The following NCOR1 variants were observed in gnomAD, a reference collection of about 807,000 sequenced individuals.
NCOR1 encodes the protein nuclear receptor corepressor 1, also known as protein phosphatase 1, regulatory subunit 109.
In NCOR1, 63 loss-of-function variants were observed where a neutral mutation model predicts 288.1. The observed-to-expected ratio is 0.22, with a 90% CI of 0.18 to 0.27. NCOR1 has a LOEUF of 0.27. Among genes scored for constraint, NCOR1 ranks in the 10% least tolerant of loss-of-function variants. The pLI is 1.00. For synonymous variants in NCOR1, 1,007 were observed against 1,065.9 expected (o/e 0.94, Z 1.08); for missense variants, 2,397 against 3,019.2 (o/e 0.79, Z 4.83).
At position 16,101,315 on chromosome 17, in the gene NCOR1, TGACTGGGGCTCGG is replaced by T; in HGVS notation, c.2612_2624del (p.Pro871GlnfsTer34). ...TGCACGTGGCACTGGAATCATTGTCTGACTGGGGCTCGGGCCTTTGGGCATTTATTTGCTGAGC... is the reference window on the plus strand; with the variant it reads ...TGCACGTGGCACTGGAATCATTGTCTGCCTTTGGGCATTTATTTGCTGAGC... On this transcript the variant is annotated frameshift_variant, in exon 20 of 46. Coordinates refer to ENST00000268712, the MANE Select transcript of NCOR1 (RefSeq NM_006311.4). LOFTEE classifies it high-confidence loss of function. The T allele has an allele frequency of 6.2e-7, 1 of 1,613,918 alleles. No homozygotes were observed. Among genetic ancestry groups the T allele is most frequent in the Non-Finnish European group, 8.5e-7 (1 of 1,179,880 alleles).
chr17:16,157,976 A>AT (rs556854474), intron 6 of NCOR1, among the ~76,000 whole-genome samples: 1,598 of 144,724 alleles, frequency 0.011, 27 homozygotes, highest in East Asian at 0.053. Context: ...TTGAACTTTG[A>AT]TTTTTTTTTT....
At chr17:16,067,356 T>C (rs902039456) in intron 32 of NCOR1, among the ~76,000 whole-genome samples, 1 of 152,224 alleles carries the variant, frequency 6.6e-6, no homozygotes, top group African/African-American at 2.4e-5. Context: ...GATACAGAAG[T>C]TGAATCAGGT....
At chr17:16,114,150 A>AAAAAAAC (rs1158221131) in intron 18 of NCOR1, among the ~76,000 whole-genome samples, 1 of 124,972 alleles carries the variant, frequency 8.0e-6, no homozygotes, top group African/African-American at 3.7e-5. Flanking sequence ...AGGCAAAAAA[A>AAAAAAAC]AAAAAAAAAA....
chr17:16,170,814 C>T (rs2083005284), intron 4 of NCOR1, among the ~76,000 whole-genome samples: 1 of 148,994 alleles, frequency 6.7e-6, no homozygotes, highest in South Asian at 2.1e-4. Flanking sequence ...GCACTCCAGC[C>T]TGGGGTACAG....
chr17:16,168,350 G>T (rs1412197462), intron 4 of NCOR1, among the ~76,000 whole-genome samples: 3 of 152,002 alleles, frequency 2.0e-5, no homozygotes, highest in Non-Finnish European at 4.4e-5. Context: ...ACAGGCGCCT[G>T]CCACCACGTC....
intron 43 of NCOR1, chr17:16,040,083 C>T: frequency 2.1e-6 from 1 of 466,602 alleles, no homozygotes; most frequent in Non-Finnish European, 4.2e-6. Flanking sequence ...AGCCACCGCA[C>T]CCAGCCCAGA....
At position 16,121,119 on chromosome 17, in the gene NCOR1, A is replaced by C; in HGVS notation, c.1785T>G (p.Ala595=). ...TAGCCGCTGCGGCTGCAGCACTGGC[A>C]GCTGCAGCTTCGTTTGTCATGGACC... The part of the protein sequence containing the change: ...ITRSMTNEAA[A]ASAAAAAATE... The change falls in exon 16 of 46, where the codon GCT becomes GCG. Residue 595 remains alanine (A), a synonymous_variant. Transcript: ENST00000268712. The C allele has an allele frequency of 1.2e-6, 2 of 1,614,160 alleles. No homozygotes were observed. Among genetic ancestry groups the C allele is most frequent in the Non-Finnish European group, 1.7e-6 (2 of 1,180,028 alleles).
At chr17:16,143,776 T>G (rs989293870) in intron 10 of NCOR1, 80 bp from the exon 11 acceptor site, 1 of 1,051,620 alleles carries the variant, frequency 9.5e-7, no homozygotes. Flanking sequence ...ATAGATTACT[T>G]TTCTGAATGG....
intron 2 of NCOR1, among the ~76,000 whole-genome samples, chr17:16,193,133 T>C (rs2088910485): frequency 6.6e-6 from 1 of 152,190 alleles, no homozygotes; most frequent in Admixed American, 6.5e-5. Flanking sequence ...GATGGTTGTA[T>C]GAGTTTATGA....
At chr17:16,119,323 AT>A (rs1397127819) in intron 17 of NCOR1, 99 bp downstream of exon 17, 46 of 882,708 alleles carry the variant, frequency 5.2e-5, no homozygotes, top group South Asian at 1.6e-4. Context: ...TTTTGAAAGA[AT>A]TTTTTTTCCA....
chr17:16,049,530 C>T (rs189870082), intron 40 of NCOR1: 12 of 152,088 alleles, frequency 7.9e-5, no homozygotes, highest in Admixed American at 6.5e-4. Flanking sequence ...CTCTGGATAC[C>T]ATTTGGTAAG....
At chr17:16,086,657 T>C (rs1324034440) in intron 22 of NCOR1, among the ~76,000 whole-genome samples, 1 of 152,210 alleles carries the variant, frequency 6.6e-6, no homozygotes, top group Non-Finnish European at 1.5e-5. Flanking sequence ...TTCAACTCCC[T>C]TTCAAACCAC....
intron 1 of NCOR1, among the ~76,000 whole-genome samples, chr17:16,196,581 T>G (rs2089849227): frequency 4.0e-5 from 6 of 151,730 alleles, no homozygotes; most frequent in Admixed American, 3.9e-4. Context: ...GTCCCAGCAC[T>G]TTGGGAGGCC....
At chr17:16,180,646 G>A (rs975637964) in intron 3 of NCOR1, among the ~76,000 whole-genome samples, 1 of 152,070 alleles carries the variant, frequency 6.6e-6, no homozygotes, top group Non-Finnish European at 1.5e-5. Flanking sequence ...TACCCGGGAG[G>A]CTGCAGTGGG....
In NCOR1 at chr17:16,095,555, G is replaced by A. The variant is rs1186867560; in HGVS notation, c.2820+2812C>T. 3.4e-4 allele frequency among the ~76,000 whole-genome samples: 43 copies of A among 126,876 alleles called. 1 individual carries two copies. The East Asian group carries it at 9.0e-3, about 27-fold the overall frequency. 83.2% of individuals were successfully genotyped at this position (126,876 alleles called of 152,430 possible). ...AGGGAGGTTGGGGGGTCAGCCCCCC[G>A]CCCGGCCAGCCGCCCCGTACAGGAG... On this transcript the variant is annotated intron_variant, in intron 21 of 45. Coordinates refer to ENST00000268712, the MANE Select transcript of NCOR1 (RefSeq NM_006311.4).
rs1416923809 is a variant in NCOR1 at position 16,146,324 on chromosome 17, CAAT to C, written c.1082+49_1082+51del. On this transcript the variant is annotated intron_variant, in intron 10 of 45. Coordinates refer to ENST00000268712, the MANE Select transcript of NCOR1 (RefSeq NM_006311.4). ...TAAAAAAATTTTTAAAAAAAAGAAA[CAAT>C]AAATATTTGAAGAAAAATATCACAG... 2.0e-4 allele frequency: 303 copies of C among 1,504,152 alleles called. 2 individuals carry two copies. The highest frequency in any genetic ancestry group is 1.8e-4 in the Middle Eastern group (1 of 5,464). The allele number at this position is 1,504,152 out of a possible 1,614,324, so 93.2% of individuals were successfully genotyped here.
intron 31 of NCOR1, 125 bp from the exon 32 acceptor site, chr17:16,068,246 C>G (rs1008295630): frequency 2.6e-6 from 2 of 776,680 alleles, no homozygotes; most frequent in Non-Finnish European, 4.1e-6. Context: ...TTCCACTCAA[C>G]ATTTAACATT....
chr17:16,084,873 G>A (rs2063967425), intron 23 of NCOR1, among the ~76,000 whole-genome samples: 1 of 152,042 alleles, frequency 6.6e-6, no homozygotes, highest in Non-Finnish European at 1.5e-5. Flanking sequence ...AAACACAGGC[G>A]AATATCTCAC....
At chr17:16,130,584 T>C (rs2075437812) in intron 14 of NCOR1, among the ~76,000 whole-genome samples, 1 of 152,180 alleles carries the variant, frequency 6.6e-6, no homozygotes, top group African/African-American at 2.4e-5. Context: ...TTCTGTCAAA[T>C]AACAAGCTAT....
Sources: gnomAD v4.1 joint callset for allele counts (sites outside exome capture counted in the v4.1 genomes callset) on GRCh38, gnomAD v4.1.1 for gene constraint, MANE v1.5 for transcripts, NCBI Gene and HGNC (gene_info 2026-07-23, HGNC 2026-07-21) for gene names.